Variants in CSMD1 observed in about 807,000 individuals in gnomAD.
CSMD1 encodes the protein CUB and Sushi multiple domains 1.
CSMD1 carries 213 observed loss-of-function variants against 417.5 expected under a neutral mutation model. That is an observed-to-expected ratio of 0.51 (90% CI 0.46 to 0.57). The LOEUF (loss-of-function observed/expected upper bound fraction) is 0.57, where lower values mean the gene tolerates loss of function less well. Ranked by LOEUF, CSMD1 falls within the 20% of genes least tolerant of loss-of-function variation. CSMD1 has a pLI of 0.00. For missense variants in CSMD1, 6,923 were observed against 4,529.7 expected (o/e 1.53, Z -15.17); for synonymous variants, 2,862 against 1,736.8 (o/e 1.65, Z -16.11).
chr8:4,183,753 A>G (rs923423255), intron 3 of CSMD1, among the ~76,000 whole-genome samples: 5 of 152,250 alleles, frequency 3.3e-5, no homozygotes, highest in East Asian at 1.9e-4. Flanking sequence ...GTGAAGCAAT[A>G]TGAGTATTTC....
intron 26 of CSMD1, among the ~76,000 whole-genome samples, chr8:3,243,309 C>A (rs909331122): frequency 1.4e-4 from 21 of 152,184 alleles, no homozygotes; most frequent in Non-Finnish European, 2.9e-4. Flanking sequence ...ATCCGAGTCA[C>A]AGCACCACAT....
chr8:4,768,111 T>G (rs1812592813), intron 1 of CSMD1, among the ~76,000 whole-genome samples: 1 of 152,060 alleles, frequency 6.6e-6, no homozygotes, highest in Non-Finnish European at 1.5e-5. Flanking sequence ...CTCTCATAAC[T>G]GTAAAAGAAA....
At chr8:4,930,597 A>G (rs1807180453) in intron 1 of CSMD1, among the ~76,000 whole-genome samples, 1 of 152,194 alleles carries the variant, frequency 6.6e-6, no homozygotes, top group Non-Finnish European at 1.5e-5. Flanking sequence ...GCAAGGATAG[A>G]ACACAATTAC....
intron 3 of CSMD1, among the ~76,000 whole-genome samples, chr8:4,069,522 T>C (rs1314641298): frequency 6.6e-6 from 1 of 152,196 alleles, no homozygotes; most frequent in Non-Finnish European, 1.5e-5. Context: ...TAATGATCGA[T>C]GATTTGTTCT....
intron 10 of CSMD1, among the ~76,000 whole-genome samples, chr8:3,496,082 C>G (rs185550441): frequency 2.6e-5 from 4 of 152,100 alleles, no homozygotes; most frequent in Non-Finnish European, 4.4e-5. Context: ...AAATAGGCTC[C>G]GATGTGTGTT....
At chr8:3,817,643 C>A (rs1322170687) in intron 5 of CSMD1, among the ~76,000 whole-genome samples, 1 of 152,080 alleles carries the variant, frequency 6.6e-6, no homozygotes, top group Non-Finnish European at 1.5e-5. Flanking sequence ...TAGGAAAACA[C>A]TCCCATGTTA....
chr8:4,096,755 T>C (rs903759161), intron 3 of CSMD1, among the ~76,000 whole-genome samples: 1 of 152,322 alleles, frequency 6.6e-6, no homozygotes, highest in African/African-American at 2.4e-5. Context: ...GTATGAGTTT[T>C]TTCCCTGCAA....
chr8:4,236,438 G>C (rs1043273131), intron 3 of CSMD1, among the ~76,000 whole-genome samples: 1 of 152,064 alleles, frequency 6.6e-6, no homozygotes, highest in Non-Finnish European at 1.5e-5. Context: ...TACACCCCGG[G>C]TAACACTGTG....
intron 7 of CSMD1, among the ~76,000 whole-genome samples, chr8:3,644,158 C>T (rs916435554): frequency 6.6e-6 from 1 of 152,162 alleles, no homozygotes; most frequent in African/African-American, 2.4e-5. Context: ...AAATGTTAGG[C>T]CCCCAATGTA....
At chr8:4,242,798 G>T (rs1436938963) in intron 3 of CSMD1, among the ~76,000 whole-genome samples, 2 of 152,106 alleles carry the variant, frequency 1.3e-5, no homozygotes, top group Non-Finnish European at 2.9e-5. Flanking sequence ...TTATAAAGTT[G>T]GAGGAAACCT....
At chr8:3,321,980 T>C (rs780938594) in intron 23 of CSMD1, among the ~76,000 whole-genome samples, 2 of 152,224 alleles carry the variant, frequency 1.3e-5, no homozygotes, top group Non-Finnish European at 2.9e-5. Flanking sequence ...TAAAGTGTTT[T>C]TCTGAAGAGG....
At chr8:4,455,542 C>T (rs983094352) in intron 2 of CSMD1, among the ~76,000 whole-genome samples, 2 of 152,116 alleles carry the variant, frequency 1.3e-5, no homozygotes, top group Admixed American at 6.6e-5. Flanking sequence ...TCATGGGCCT[C>T]ACTTTATAGA....
intron 6 of CSMD1, among the ~76,000 whole-genome samples, chr8:3,716,255 G>A (rs1237236395): frequency 1.3e-5 from 2 of 152,272 alleles, no homozygotes; most frequent in South Asian, 2.1e-4. Flanking sequence ...CCAAGAGAGT[G>A]TTCTTGAATC....
At chr8:3,374,266 C>T (rs1023650604) in intron 18 of CSMD1, among the ~76,000 whole-genome samples, 1 of 151,998 alleles carries the variant, frequency 6.6e-6, no homozygotes, top group African/African-American at 2.4e-5. Context: ...ACCCATCCAC[C>T]CGTTTTTCAA....
chr8:4,263,452 T>G (rs1378010221), intron 3 of CSMD1, among the ~76,000 whole-genome samples: 1 of 152,216 alleles, frequency 6.6e-6, no homozygotes, highest in East Asian at 1.9e-4. Flanking sequence ...TTTAGATTTG[T>G]GACATAGTTG....
At chr8:4,115,005 G>C (rs551799391) in intron 3 of CSMD1, among the ~76,000 whole-genome samples, 187 of 152,304 alleles carry the variant, frequency 1.2e-3, no homozygotes, top group African/African-American at 4.3e-3. Flanking sequence ...TAGAAACCTA[G>C]TTGATAATGC....
intron 3 of CSMD1, among the ~76,000 whole-genome samples, chr8:4,392,692 G>A (rs1180236917): frequency 6.6e-6 from 1 of 151,636 alleles, no homozygotes; most frequent in South Asian, 2.1e-4. Flanking sequence ...ACTGTGGGCT[G>A]GGCACAGTGG....
chr8:3,834,786 C>T (rs1212118102), intron 5 of CSMD1, among the ~76,000 whole-genome samples: 1 of 151,652 alleles, frequency 6.6e-6, no homozygotes, highest in Non-Finnish European at 1.5e-5. Flanking sequence ...AGGCAACCTA[C>T]AAAATGGGAG....
chr8:4,673,131 C>T (rs1021051716), intron 1 of CSMD1, among the ~76,000 whole-genome samples: 1 of 151,776 alleles, frequency 6.6e-6, no homozygotes, highest in Admixed American at 6.6e-5. Context: ...CTGTAGCAAA[C>T]TGAGGACATT....
Sources: allele counts gnomAD v4.1 joint callset (sites outside exome capture counted in the v4.1 genomes callset), GRCh38; gene constraint gnomAD v4.1.1; transcripts MANE v1.5; gene names NCBI Gene and HGNC (gene_info 2026-07-23, HGNC 2026-07-21).